TMEM132D: variants seen among roughly 807,000 people sequenced by gnomAD.
TMEM132D encodes the protein mature OL transmembrane protein.
TMEM132D carries 21 observed loss-of-function variants against 62.3 expected under a neutral mutation model. The ratio of observed to expected loss-of-function variants is 0.34; its 90% CI spans 0.24 to 0.49. The LOEUF (loss-of-function observed/expected upper bound fraction) is 0.49, where lower values mean the gene tolerates loss of function less well. Ranked by LOEUF, TMEM132D falls within the 20% of genes least tolerant of loss-of-function variation. The pLI, the probability that TMEM132D is intolerant of heterozygous loss-of-function variation, is 0.99. For missense variants in TMEM132D, 1,346 were observed against 1,402.8 expected (o/e 0.96, Z 0.65); for synonymous variants, 621 against 575.6 (o/e 1.08, Z -1.13).
intron 3 of TMEM132D, among the ~76,000 whole-genome samples, chr12:129,513,052 T>C (rs1386565753): frequency 6.6e-6 from 1 of 152,174 alleles, no homozygotes; most frequent in Non-Finnish European, 1.5e-5. Context: ...CATTTTGTGT[T>C]GCTAGAAAAG....
Position 129,111,916 on chromosome 12 carries a change from C to T in TMEM132D, c.1444-27214G>A, listed in dbSNP as rs923761578. On this transcript the variant is annotated intron_variant, in intron 5 of 8. Transcript: ENST00000422113. ...AGTAAGGGTACCATCCCTGGTGGCA[C>T]GGAGGTCTTGACCAGCAGTCAGGGG... Among the ~76,000 whole-genome samples, 7 of 152,252 alleles carry T rather than the reference C, an allele frequency of 4.6e-5. No individual in the cohort carries two copies. The East Asian group carries it at 5.8e-4, about 13-fold the overall frequency.
intron 5 of TMEM132D, among the ~76,000 whole-genome samples, chr12:129,205,362 C>A (rs1204933768): frequency 2.5e-5 from 3 of 118,854 alleles, no homozygotes; most frequent in Non-Finnish European, 3.5e-5. Context: ...GCAAGAGTTA[C>A]AATCCTAATT....
intron 1 of TMEM132D, among the ~76,000 whole-genome samples, chr12:129,821,449 T>C (rs975494298): frequency 6.6e-6 from 1 of 152,116 alleles, no homozygotes; most frequent in African/African-American, 2.4e-5. Flanking sequence ...AACAGGCCAA[T>C]GGAACTACTT....
intron 5 of TMEM132D, among the ~76,000 whole-genome samples, chr12:129,176,956 C>T (rs543558973): frequency 5.9e-5 from 9 of 152,344 alleles, no homozygotes; most frequent in Admixed American, 2.0e-4. Context: ...GAAATGCAAA[C>T]ACAGCCAGGA....
chr12:129,480,364 T>C (rs1158042177), intron 3 of TMEM132D, among the ~76,000 whole-genome samples: 1 of 152,220 alleles, frequency 6.6e-6, no homozygotes, highest in African/African-American at 2.4e-5. Context: ...CATTGAGGTC[T>C]GGAGCAGACA....
intron 1 of TMEM132D, among the ~76,000 whole-genome samples, chr12:129,859,237 C>T (rs918579987): frequency 6.6e-6 from 1 of 152,178 alleles, no homozygotes; most frequent in Admixed American, 6.5e-5. Context: ...AGACTGTGGT[C>T]GAGAACCATA....
At chr12:129,658,559 G>A (rs1226367030) in intron 2 of TMEM132D, among the ~76,000 whole-genome samples, 10 of 152,248 alleles carry the variant, frequency 6.6e-5, no homozygotes, top group South Asian at 2.1e-4. Context: ...CCAGCAACAC[G>A]TAGCGTCTGC....
intron 4 of TMEM132D, among the ~76,000 whole-genome samples, chr12:129,331,754 C>T (rs1475088864): frequency 6.6e-6 from 1 of 152,240 alleles, no homozygotes; most frequent in Non-Finnish European, 1.5e-5. Context: ...ATATACCTAT[C>T]AGTGCCATGA....
intron 1 of TMEM132D, among the ~76,000 whole-genome samples, chr12:129,879,543 G>C (rs762708276): frequency 6.6e-6 from 1 of 152,224 alleles, no homozygotes; most frequent in Non-Finnish European, 1.5e-5. Context: ...TAATGGCTCA[G>C]TTGCAGCAGG....
chr12:129,517,869 G>T (rs139338916), intron 3 of TMEM132D, among the ~76,000 whole-genome samples: 20 of 152,256 alleles, frequency 1.3e-4, no homozygotes, highest in African/African-American at 4.3e-4. Context: ...TGCTGTAAAA[G>T]AAAATTCGAC....
chr12:129,602,617 C>G (rs1565918912), intron 2 of TMEM132D, among the ~76,000 whole-genome samples: 2 of 152,106 alleles, frequency 1.3e-5, no homozygotes, highest in Non-Finnish European at 2.9e-5. Flanking sequence ...CTTTTGTTTT[C>G]AACAGACCTT....
At chr12:129,509,293 A>C (rs1875429577) in intron 3 of TMEM132D, among the ~76,000 whole-genome samples, 2 of 152,188 alleles carry the variant, frequency 1.3e-5, no homozygotes, top group Admixed American at 6.5e-5. Context: ...ATTAAATTAA[A>C]TTTATTGAAT....
At chr12:129,398,850 C>T (rs1214616624) in intron 3 of TMEM132D, among the ~76,000 whole-genome samples, 2 of 129,936 alleles carry the variant, frequency 1.5e-5, no homozygotes, top group Non-Finnish European at 3.0e-5. Flanking sequence ...ATCCATCCAT[C>T]CATCCATCCA....
intron 4 of TMEM132D, among the ~76,000 whole-genome samples, chr12:129,292,377 G>C (rs575298389): frequency 6.6e-5 from 10 of 152,296 alleles, no homozygotes; most frequent in African/African-American, 2.4e-4. Context: ...CTCCCGAGGA[G>C]CCAAAGATTC....
chr12:129,526,128 T>C (rs959921649), intron 3 of TMEM132D, among the ~76,000 whole-genome samples: 4 of 152,166 alleles, frequency 2.6e-5, no homozygotes, highest in South Asian at 2.1e-4. Context: ...CCCTATTATA[T>C]TGTACTGCAA....
At chr12:129,200,238 A>G (rs1285825933) in intron 5 of TMEM132D, among the ~76,000 whole-genome samples, 1 of 152,100 alleles carries the variant, frequency 6.6e-6, no homozygotes, top group Non-Finnish European at 1.5e-5. Context: ...TATCAAAATG[A>G]CCACCTTTTG....
chr12:129,328,665 A>G (rs1038128333), intron 4 of TMEM132D, among the ~76,000 whole-genome samples: 1 of 152,188 alleles, frequency 6.6e-6, no homozygotes, highest in African/African-American at 2.4e-5. Flanking sequence ...TTCTATTTCA[A>G]TAAGACTTCT....
chr12:129,353,334 A>T (rs1459784022), intron 3 of TMEM132D, among the ~76,000 whole-genome samples: 1 of 152,128 alleles, frequency 6.6e-6, no homozygotes, highest in Admixed American at 6.5e-5. Context: ...AATTTAAAAA[A>T]CATGAATTTT....
intron 5 of TMEM132D, among the ~76,000 whole-genome samples, chr12:129,207,144 A>G (rs1234074375): frequency 1.3e-5 from 2 of 152,154 alleles, no homozygotes; most frequent in African/African-American, 4.8e-5. Flanking sequence ...AAACAAACAA[A>G]AAACCCCCCA....
Sources: gnomAD v4.1 joint callset for allele counts (sites outside exome capture counted in the v4.1 genomes callset) on GRCh38, gnomAD v4.1.1 for gene constraint, MANE v1.5 for transcripts, NCBI Gene and HGNC (gene_info 2026-07-23, HGNC 2026-07-21) for gene names.